The following FCF1 variants were observed in gnomAD, a reference collection of about 807,000 sequenced individuals.
FCF1 encodes FCF1 rRNA-processing protein, also known as rRNA-processing protein FCF1 homolog.
A neutral mutation model predicts 32.5 loss-of-function variants in FCF1; 17 were observed. The observed-to-expected ratio is 0.52, with a 90% confidence interval of 0.36 to 0.78. The LOEUF (loss-of-function observed/expected upper bound fraction) is 0.78, where lower values mean the gene tolerates loss of function less well. FCF1 is among the 30% of genes least tolerant of loss of function. The probability of loss-of-function intolerance (pLI) is 0.00; values close to 1 mark genes in which losing one functional copy is unlikely to be tolerated. For synonymous variants in FCF1, 84 were observed against 78.4 expected, an observed-to-expected ratio of 1.07 and a Z score of -0.38; for missense variants, 201 against 241.1, an observed-to-expected ratio of 0.83 and a Z score of 1.10.
chr14:74,719,129 CAAAAA>C (rs1167421434), intron 4 of FCF1, among the ~76,000 whole-genome samples: 2 of 34,302 alleles, frequency 5.8e-5, no homozygotes, highest in South Asian at 9.3e-4. Context: ...GACTCTGTCT[CAAAAA>C]AAAAAAAAAA....
chr14:74,731,930 A>G (rs896300958), intron 5 of FCF1, among the ~76,000 whole-genome samples: 17 of 152,266 alleles, frequency 1.1e-4, no homozygotes, highest in African/African-American at 3.4e-4. Context: ...TCAAATATGT[A>G]TGAAAATAAT....
chr14:74,716,396 A>G (rs186970191), intron 4 of FCF1, among the ~76,000 whole-genome samples: 34 of 152,346 alleles, frequency 2.2e-4, no homozygotes, highest in African/African-American at 8.2e-4. Flanking sequence ...AAAATTCTAG[A>G]TAAATGAAAA....
At chr14:74,716,530 A>G (rs984988064) in intron 4 of FCF1, among the ~76,000 whole-genome samples, 2 of 152,228 alleles carry the variant, frequency 1.3e-5, no homozygotes, top group African/African-American at 4.8e-5. Context: ...AGTTAGATAG[A>G]TGATGGTCAA....
At chr14:74,722,506 G>T (rs1480526203) in intron 4 of FCF1, among the ~76,000 whole-genome samples, 1 of 152,076 alleles carries the variant, frequency 6.6e-6, no homozygotes, top group Non-Finnish European at 1.5e-5. Context: ...ATAAAATAGG[G>T]ATGATGATTT....
At chr14:74,714,582 G>A (rs1213385095) in intron 2 of FCF1, among the ~76,000 whole-genome samples, 1 of 152,170 alleles carries the variant, frequency 6.6e-6, no homozygotes, top group Non-Finnish European at 1.5e-5. Flanking sequence ...GATCCTTGAT[G>A]TGAGAGATTC....
chr14:74,724,270 G>T (rs1023123517), intron 5 of FCF1, among the ~76,000 whole-genome samples: 2 of 152,044 alleles, frequency 1.3e-5, no homozygotes, highest in Non-Finnish European at 2.9e-5. Flanking sequence ...TGGGTTTGGG[G>T]GGTTTTTTGT....
rs973688358 is a variant in FCF1, at chr14:74,736,031, A to C, written c.*1101A>C. 1 of 152,882 alleles carries C rather than the reference A, an allele frequency of 6.5e-6. No homozygotes were observed. Among genetic ancestry groups the C allele is most frequent in the Non-Finnish European group, 1.5e-5 (1 of 68,586 alleles). The allele number at this position is 152,882 out of a possible 1,614,324, so 9.5% of individuals were successfully genotyped here. A position where few individuals can be genotyped will look rare whatever the true frequency, so the allele number is the denominator to read the frequency against. On this transcript the variant is annotated 3_prime_UTR_variant, in exon 8 of 8. Transcript: ENST00000341162. ...ATTCTCCTGCCTCAGCCTGCGGAGT[A>C]GCTGGGACTATAGGTGCGTGCCACC...
intron 5 of FCF1, among the ~76,000 whole-genome samples, chr14:74,726,385 G>A (rs372359122): frequency 4.9e-4 from 74 of 152,160 alleles, no homozygotes; most frequent in African/African-American, 1.7e-3. Context: ...TACTTGGGAG[G>A]CTGAGGTAGG....
intron 5 of FCF1, among the ~76,000 whole-genome samples, chr14:74,728,265 C>T (rs1175752225): frequency 6.6e-6 from 1 of 152,074 alleles, no homozygotes; most frequent in Non-Finnish European, 1.5e-5. Context: ...TTGTTTGTGT[C>T]CTCTTTTATT....
At chr14:74,731,884 G>T (rs1366747185) in intron 5 of FCF1, among the ~76,000 whole-genome samples, 1 of 152,054 alleles carries the variant, frequency 6.6e-6, no homozygotes, top group Non-Finnish European at 1.5e-5. Context: ...AAAGAGCATG[G>T]CTCTCAGAAT....
At chr14:74,720,391 A>C (rs76157155) in intron 4 of FCF1, among the ~76,000 whole-genome samples, 2,989 of 152,250 alleles carry the variant, frequency 0.02, 64 homozygotes, top group African/African-American at 0.048. Flanking sequence ...GCAACCACTA[A>C]TCTACTTTCT....
chr14:74,713,284 C>T, intron 1 of FCF1, 84 bp downstream of exon 1: 10 of 1,613,962 alleles, frequency 6.2e-6, no homozygotes, highest in Non-Finnish European at 2.5e-6. Context: ...GCCAAATTTC[C>T]TTCACATTAT....
At chr14:74,726,873 T>C (rs1027618193) in intron 5 of FCF1, among the ~76,000 whole-genome samples, 8 of 151,962 alleles carry the variant, frequency 5.3e-5, no homozygotes, top group African/African-American at 7.3e-5. Context: ...TTTTTGTTCT[T>C]GTGATAGTTT....
At chr14:74,721,154 C>T (rs2090496850) in intron 4 of FCF1, among the ~76,000 whole-genome samples, 1 of 151,682 alleles carries the variant, frequency 6.6e-6, no homozygotes, top group African/African-American at 2.4e-5. Flanking sequence ...AAGTGATTCT[C>T]CTGCCTCAGC....
At position 74,722,286 on chromosome 14, in the gene FCF1, G is replaced by A. The variant is rs532459995; in HGVS notation, c.293-986G>A. On this transcript the variant is annotated intron_variant, in intron 4 of 7. Coordinates refer to ENST00000341162, the MANE Select transcript of FCF1 (RefSeq NM_015962.5). ...TGGTCTCGAACTCCTGACCTCAGGT[G>A]ATCCGCCTGCCTCAGCCTCCCAAAG... Among the ~76,000 whole-genome samples, 4 of 152,214 alleles carry A rather than the reference G, an allele frequency of 2.6e-5. No homozygotes were observed. The East Asian group carries it at 7.7e-4, about 29-fold the overall frequency.
chr14:74,714,223 G>A (rs2090380104), intron 2 of FCF1, among the ~76,000 whole-genome samples: 1 of 152,224 alleles, frequency 6.6e-6, no homozygotes, highest in Admixed American at 6.5e-5. Context: ...GGAGGCTGAG[G>A]CGGGTGGATC....
Position 74,734,077 on chromosome 14 carries a change from A to T in FCF1, c.455A>T (p.His152Leu), listed in dbSNP as rs762739932. Residue 152 changes from histidine (H) to leucine (L), a missense_variant and splice_region_variant, in exon 7 of 8, where the codon CAT becomes CTT. His to Leu is a moderately conservative substitution (Grantham distance 99, BLOSUM62 -3). Coordinates refer to ENST00000341162, the MANE Select transcript of FCF1 (RefSeq NM_015962.5). ...AACATCACTCCATGTCTCTTACAGCATAAGTGTTACATTGTGGCCACAGTT... is the reference window on the plus strand; with the variant it reads ...AACATCACTCCATGTCTCTTACAGCTTAAGTGTTACATTGTGGCCACAGTT... ...DDCLVQRVTQ[H>L]KCYIVATVDR... 3 of 1,610,224 alleles carry T rather than the reference A, an allele frequency of 1.9e-6. No individual in the cohort carries two copies. Among genetic ancestry groups the T allele is most frequent in the East Asian group, 4.5e-5 (2 of 44,852 alleles).
intron 4 of FCF1, among the ~76,000 whole-genome samples, chr14:74,719,356 C>T (rs758105849): frequency 3.1e-4 from 47 of 151,666 alleles, no homozygotes; most frequent in East Asian, 3.9e-4. Context: ...ATCTTCACCC[C>T]GTAGTCCCAG....
At chr14:74,734,792 G>A in intron 7 of FCF1, 90 bp from the exon 8 acceptor site, 1 of 973,656 alleles carries the variant, frequency 1.0e-6, no homozygotes. Flanking sequence ...TCACAGTGGG[G>A]GTGAGAGTAT....
Sources: allele counts gnomAD v4.1 joint callset (sites outside exome capture counted in the v4.1 genomes callset), GRCh38; gene constraint gnomAD v4.1.1; transcripts MANE v1.5; gene names NCBI Gene and HGNC (gene_info 2026-07-23, HGNC 2026-07-21).